Variants in PSMA3 observed in about 807,000 individuals in gnomAD.
PSMA3 encodes the protein proteasome 20S subunit alpha 3.
A neutral mutation model predicts 40.0 loss-of-function variants in PSMA3; 8 were observed. That is an observed-to-expected ratio of 0.20 (90% CI 0.12 to 0.36). PSMA3 has a LOEUF of 0.36. Ranked by LOEUF, PSMA3 falls within the 10% of genes least tolerant of loss-of-function variation. The pLI is 1.00. For synonymous variants in PSMA3, 110 were observed against 100.0 expected, an observed-to-expected ratio of 1.10 and a Z score of -0.59; for missense variants, 219 against 310.6, an observed-to-expected ratio of 0.70 and a Z score of 2.22.
intron 1 of PSMA3, 23 bp downstream of exon 1, chr14:58,244,964 T>C: frequency 6.2e-7 from 1 of 1,614,124 alleles, no homozygotes; most frequent in Non-Finnish European, 8.5e-7. Context: ...TCTGTCGGTG[T>C]AATAGTTTAA....
intron 8 of PSMA3, chr14:58,268,994 G>A (rs146200815): frequency 0.051 from 7,719 of 152,164 alleles, 262 homozygotes; most frequent in South Asian, 0.09. Flanking sequence ...GAGGGCAGTG[G>A]CACGATCTTG....
In PSMA3 at chr14:58,259,688, T is replaced by A. The variant is rs1356827158; in HGVS notation, c.405-1260T>A. Among the ~76,000 whole-genome samples, 4 of 152,158 alleles carry A rather than the reference T, an allele frequency of 2.6e-5. No homozygotes were observed. In the East Asian group the frequency reaches 7.7e-4, roughly 29 times the overall value. On this transcript the variant is annotated intron_variant, in intron 5 of 10. Coordinates refer to ENST00000216455, the MANE Select transcript of PSMA3 (RefSeq NM_002788.4). ...TGGAGACACAGGTGTGAAGTCACAT[T>A]GATAAAATATTAGTGATATGATAAA... is the stretch of plus-strand genomic sequence containing the variant.
At chr14:58,266,389 A>G (rs1436983944) in intron 7 of PSMA3, 1 of 152,132 alleles carries the variant, frequency 6.6e-6, no homozygotes, top group African/African-American at 2.4e-5. Context: ...TCATCCCCCA[A>G]CATATCCACA....
intron 8 of PSMA3, chr14:58,269,944 G>C (rs1231699431): frequency 6.5e-6 from 1 of 153,574 alleles, no homozygotes; most frequent in Non-Finnish European, 1.4e-5. Context: ...CTGCCTCCCG[G>C]GTTCAAGGAA....
At chr14:58,250,835 G>A (rs1407899888) in intron 2 of PSMA3, among the ~76,000 whole-genome samples, 2 of 152,190 alleles carry the variant, frequency 1.3e-5, no homozygotes, top group Non-Finnish European at 2.9e-5. Flanking sequence ...AGAAAAGATG[G>A]TGTAGTAATC....
chr14:58,267,371 G>A (rs766792833), intron 7 of PSMA3, 103 bp from the exon 8 acceptor site: 297 of 1,292,228 alleles, frequency 2.3e-4, no homozygotes, highest in Non-Finnish European at 2.9e-4. Flanking sequence ...TCAGACTTTA[G>A]GTTATTTTCC....
chr14:58,251,047 C>T (rs571589004), intron 2 of PSMA3, among the ~76,000 whole-genome samples: 2 of 152,050 alleles, frequency 1.3e-5, no homozygotes, highest in East Asian at 1.9e-4. Flanking sequence ...TTACTTGAGC[C>T]TCAGACTTCA....
At position 58,244,909 on chromosome 14, in the gene PSMA3, GGGTTTA is replaced by G; in HGVS notation, c.-10_-5del. On this transcript the variant is annotated 5_prime_UTR_variant, in exon 1 of 11. Transcript: ENST00000216455. ...GCCTGGAATCCCTACGCGTCCCTTT[GGGTTTA>G]GCACGATGAGCTCAATCGGCACTGG... 1 of 1,614,190 alleles carries G rather than the reference GGGTTTA, an allele frequency of 6.2e-7. No individual in the cohort carries two copies. Among genetic ancestry groups the G allele is most frequent in the Non-Finnish European group, 8.5e-7 (1 of 1,180,034 alleles).
chr14:58,248,257 TCTCA>T (rs1413924574), intron 2 of PSMA3, among the ~76,000 whole-genome samples: 1 of 152,210 alleles, frequency 6.6e-6, no homozygotes, highest in Non-Finnish European at 1.5e-5. Flanking sequence ...GAGACCTGAG[TCTCA>T]CTCTGTCACC....
chr14:58,262,880 T>C (rs1890323692), intron 6 of PSMA3, among the ~76,000 whole-genome samples: 1 of 152,098 alleles, frequency 6.6e-6, no homozygotes, highest in African/African-American at 2.4e-5. Context: ...TGTTACCGTT[T>C]CTTAACTGTT....
rs1890188030 is a variant in PSMA3 at position 58,258,084 on chromosome 14, TTAAAAA to T, written c.404+89_404+94del. 27 of 1,038,462 alleles carry T rather than the reference TTAAAAA, an allele frequency of 2.6e-5. No homozygotes were observed. The South Asian group carries it at 3.4e-4, about 13-fold the overall frequency. 64.3% of individuals were successfully genotyped at this position (1,038,462 alleles called of 1,614,324 possible). On this transcript the variant is annotated intron_variant, in intron 5 of 10. Transcript: ENST00000216455. The stretch of plus-strand genomic sequence containing the variant: ...CCCAGCATCTTAGCCTTTTACATAC[TTAAAAA>T]TAGAAACTCGTCGATAAGTATTAGG...
At chr14:58,256,068 G>A (rs1890137665) in intron 3 of PSMA3, among the ~76,000 whole-genome samples, 1 of 152,074 alleles carries the variant, frequency 6.6e-6, no homozygotes, top group African/African-American at 2.4e-5. Flanking sequence ...TGTCCAGGCT[G>A]GTTTCAAACT....
At chr14:58,258,282 A>T (rs1401231975) in intron 5 of PSMA3, 1 of 287,862 alleles carries the variant, frequency 3.5e-6, no homozygotes, top group Non-Finnish European at 6.7e-6. Context: ...TACAAAAAAA[A>T]TTTAAAATTT....
At chr14:58,262,904 A>G (rs969783261) in intron 6 of PSMA3, among the ~76,000 whole-genome samples, 4 of 150,434 alleles carry the variant, frequency 2.7e-5, no homozygotes, top group Admixed American at 6.6e-5. Context: ...TTATCCTTAC[A>G]TTTTTGTCGT....
chr14:58,253,742 C>T (rs935646220), intron 3 of PSMA3, among the ~76,000 whole-genome samples: 2 of 152,018 alleles, frequency 1.3e-5, no homozygotes, highest in African/African-American at 2.4e-5. Context: ...TACAGACATA[C>T]GCCGCCACAC....
At chr14:58,260,917 TG>T in intron 5 of PSMA3, 30 bp from the exon 6 acceptor site, 1 of 1,477,974 alleles carries the variant, frequency 6.8e-7, no homozygotes, top group South Asian at 1.2e-5. Flanking sequence ...GTTATTGCCA[TG>T]GTTTAAGCTG....
intron 2 of PSMA3, among the ~76,000 whole-genome samples, chr14:58,249,167 T>TCAGG (rs1889944826): frequency 6.6e-6 from 1 of 151,484 alleles, no homozygotes; most frequent in African/African-American, 2.4e-5. Context: ...TCCATGTTGG[T>TCAGG]CAGGCTGGTC....
intron 10 of PSMA3, among the ~76,000 whole-genome samples, 187 bp from the exon 11 acceptor site, chr14:58,271,663 GT>G (rs1157065662): frequency 4.6e-5 from 7 of 152,150 alleles, no homozygotes; most frequent in Non-Finnish European, 8.8e-5. Flanking sequence ...CAAAGATACA[GT>G]CATTGCATGT....
intron 7 of PSMA3, chr14:58,265,344 A>G (rs557837444): frequency 6.6e-6 from 1 of 152,294 alleles, no homozygotes; most frequent in East Asian, 1.9e-4. Context: ...AATGGGAAAA[A>G]CAATAAATCC....
Sources: gnomAD v4.1 joint callset for allele counts (sites outside exome capture counted in the v4.1 genomes callset) on GRCh38, gnomAD v4.1.1 for gene constraint, MANE v1.5 for transcripts, NCBI Gene and HGNC (gene_info 2026-07-23, HGNC 2026-07-21) for gene names.